Variants in LZTS1 observed in about 807,000 individuals in gnomAD.
The protein encoded by LZTS1 is leucine zipper putative tumor suppressor 1.
A neutral mutation model predicts 45.8 loss-of-function variants in LZTS1; 31 were observed. The observed-to-expected ratio is 0.68, with a 90% CI of 0.51 to 0.91. The LOEUF (loss-of-function observed/expected upper bound fraction) is 0.91. Among genes scored for constraint, LZTS1 ranks in the 40% least tolerant of loss-of-function variants. The pLI is 0.00. For synonymous variants in LZTS1, 359 were observed against 357.3 expected (o/e 1.00, Z -0.05); for missense variants, 821 against 788.9 (o/e 1.04, Z -0.49).
At position 20,303,734 on chromosome 8, in the gene LZTS1, C is replaced by T; in HGVS notation, c.-135+6G>A. 2.0e-6 allele frequency: 2 copies of T among 985,446 alleles called. No homozygotes were observed. The highest frequency in any genetic ancestry group is 1.7e-5 in the African/African-American group (1 of 57,342). 61.0% of individuals were successfully genotyped at this position (985,446 alleles called of 1,614,324 possible). A position where few individuals can be genotyped will look rare whatever the true frequency, so the allele number is the denominator to read the frequency against. ...GGCGAGGAGATCCCCGGCCACCGCA[C>T]CTTACCTGCCCCCTGCGCCTCGGGC... On this transcript the variant is annotated splice_donor_region_variant and intron_variant, in intron 1 of 3. Coordinates refer to ENST00000381569, the MANE Select transcript of LZTS1 (RefSeq NM_021020.5).
intron 1 of LZTS1, among the ~76,000 whole-genome samples, chr8:20,280,089 ATCC>A (rs1488003154): frequency 6.6e-6 from 1 of 152,118 alleles, no homozygotes; most frequent in Non-Finnish European, 1.5e-5. Flanking sequence ...GCCTTAGGCC[ATCC>A]TCCTACACAG....
In LZTS1 at chr8:20,247,421, G is replaced by GA. The variant is rs1194568870; in HGVS notation, c.*2300dup. The stretch of plus-strand genomic sequence containing the variant: ...CTCCGTGGGGCAGTCTCACTGGGAG[G>GA]AAAAACTCAAACAAGGCACGGCCTG... On this transcript the variant is annotated 3_prime_UTR_variant, in exon 4 of 4. Transcript: ENST00000381569. The GA allele has an allele frequency of 6.5e-6, 1 of 152,952 alleles. No individual in the cohort carries two copies. Among genetic ancestry groups the GA allele is most frequent in the Non-Finnish European group, 1.5e-5 (1 of 68,330 alleles). The allele number at this position is 152,952 out of a possible 1,614,324, so 9.5% of individuals were successfully genotyped here. A position where few individuals can be genotyped will look rare whatever the true frequency, so the allele number is the denominator to read the frequency against.
In LZTS1 at chr8:20,303,770, C is replaced by CT. The variant is rs1251063982; in HGVS notation, c.-166dup. 3,250 of 726,460 alleles carry CT rather than the reference C, an allele frequency of 4.5e-3. 1 individual carries two copies. Among genetic ancestry groups the CT allele is most frequent in the Non-Finnish European group, 4.6e-3 (2,740 of 594,972 alleles). 45.0% of individuals were successfully genotyped at this position (726,460 alleles called of 1,614,324 possible). ...CCCTGCGCCTCGGGCGCACTTGAGA[C>CT]TTTTTTTTTTTCCCAGTGTTTCCCG... is the stretch of plus-strand genomic sequence containing the variant. On this transcript the variant is annotated 5_prime_UTR_variant, in exon 1 of 4. Coordinates refer to ENST00000381569, the MANE Select transcript of LZTS1 (RefSeq NM_021020.5).
intron 1 of LZTS1, among the ~76,000 whole-genome samples, chr8:20,283,648 G>C (rs1384593298): frequency 6.6e-6 from 1 of 152,128 alleles, no homozygotes; most frequent in Non-Finnish European, 1.5e-5. Flanking sequence ...GGTTGTTCTG[G>C]GGAGACAGAT....
At chr8:20,288,455 C>T (rs1554555206) in intron 1 of LZTS1, among the ~76,000 whole-genome samples, 1 of 152,192 alleles carries the variant, frequency 6.6e-6, no homozygotes, top group Non-Finnish European at 1.5e-5. Flanking sequence ...CTTCCATTCA[C>T]TGCATGTGTC....
intron 3 of LZTS1, among the ~76,000 whole-genome samples, chr8:20,251,112 T>C (rs1350243693): frequency 1.1e-5 from 1 of 88,750 alleles, no homozygotes; most frequent in African/African-American, 4.5e-5. Flanking sequence ...TATATATATA[T>C]ATATATATAT....
intron 1 of LZTS1, among the ~76,000 whole-genome samples, chr8:20,279,174 T>A (rs1800639301): frequency 6.6e-6 from 1 of 152,256 alleles, no homozygotes; most frequent in Non-Finnish European, 1.5e-5. Flanking sequence ...CTTTGCTGCC[T>A]TGTCTGTCAT....
At chr8:20,285,055 C>T (rs1257116484) in intron 1 of LZTS1, among the ~76,000 whole-genome samples, 4 of 152,216 alleles carry the variant, frequency 2.6e-5, no homozygotes, top group African/African-American at 9.7e-5. Flanking sequence ...CAGGTGGTGA[C>T]CTCATAGGCA....
At position 20,253,070 on chromosome 8, in the gene LZTS1, C is replaced by T. The variant is rs1799983064; in HGVS notation, c.861G>A (p.Lys287=). The change falls in exon 3 of 4, where the codon AAG becomes AAA. Residue 287 remains lysine (K), a synonymous_variant. Transcript: ENST00000381569. ...CGTAGGCCAGGCTGGAGGCAAGCTC[C>T]TTCTCCTCAAAGCTGCGCTGCAGCT... The part of the protein sequence containing the change: ...LQKLQRSFEE[K]ELASSLAYEE... 2 of 1,608,540 alleles carry T rather than the reference C, an allele frequency of 1.2e-6. No homozygotes were observed. The highest frequency in any genetic ancestry group is 1.7e-6 in the Non-Finnish European group (2 of 1,178,572).
At position 20,253,534 on chromosome 8, in the gene LZTS1, G is replaced by A. The variant is rs200009487; in HGVS notation, c.397C>T (p.Arg133Trp). 6.5e-6 allele frequency: 10 copies of A among 1,527,708 alleles called. No homozygotes were observed. The highest frequency in any genetic ancestry group is 1.8e-4 in the Middle Eastern group (1 of 5,702). 94.6% of individuals were successfully genotyped at this position (1,527,708 alleles called of 1,614,324 possible). Reference protein sequence around the residue: ...RPTAFKPVLPRSGAILHSSPE... With the variant: ...RPTAFKPVLPWSGAILHSSPE... Reference sequence around the variant, plus strand: ...GAGGAGTGCAGGATGGCTCCTGACCGTGGCAGCACAGGCTTGAAGGCTGTG... The same window carrying A: ...GAGGAGTGCAGGATGGCTCCTGACCATGGCAGCACAGGCTTGAAGGCTGTG... Residue 133 changes from arginine (R) to tryptophan (W), a missense_variant, in exon 3 of 4, where the codon CGG (arginine) becomes TGG (tryptophan). Transcript: ENST00000381569.
At position 20,288,385 on chromosome 8, in the gene LZTS1, T is replaced by C. The variant is rs548138791; in HGVS notation, c.-135+15355A>G. On this transcript the variant is annotated intron_variant, in intron 1 of 3. Coordinates refer to ENST00000381569, the MANE Select transcript of LZTS1 (RefSeq NM_021020.5). ...CGCCATCACCTCTGGCCAGAGGCGA[T>C]GCGCAAGTGGAAACAGCAGTGCCCA... Among the ~76,000 whole-genome samples, 154 of 152,242 alleles carry C rather than the reference T, an allele frequency of 1.0e-3. 1 individual carries two copies. The highest frequency in any genetic ancestry group is 3.5e-3 in the African/African-American group (146 of 41,550).
intron 3 of LZTS1, among the ~76,000 whole-genome samples, chr8:20,251,365 C>G (rs1799904207): frequency 6.6e-6 from 1 of 151,804 alleles, no homozygotes; most frequent in African/African-American, 2.4e-5. Context: ...AGCACGCATC[C>G]TGGGTAGGGT....
intron 1 of LZTS1, among the ~76,000 whole-genome samples, chr8:20,271,724 C>G (rs188620404): frequency 6.6e-6 from 1 of 152,246 alleles, no homozygotes; most frequent in African/African-American, 2.4e-5. Context: ...TCTCCCTCCC[C>G]CTTGCCTTCC....
intron 1 of LZTS1, among the ~76,000 whole-genome samples, chr8:20,288,255 G>C (rs1352191151): frequency 1.3e-5 from 2 of 152,170 alleles, no homozygotes; most frequent in Non-Finnish European, 2.9e-5. Flanking sequence ...TCAAGACCTG[G>C]ATGTTGTCAG....
intron 1 of LZTS1, among the ~76,000 whole-genome samples, chr8:20,275,258 T>C (rs1221833465): frequency 1.3e-5 from 2 of 151,822 alleles, no homozygotes; most frequent in Non-Finnish European, 2.9e-5. Flanking sequence ...AAAAATTAGC[T>C]GGGTGTGGTG....
intron 1 of LZTS1, among the ~76,000 whole-genome samples, chr8:20,293,835 G>A (rs1206329954): frequency 6.6e-6 from 1 of 152,132 alleles, no homozygotes; most frequent in Non-Finnish European, 1.5e-5. Flanking sequence ...CAGGGAGGCT[G>A]ATGTGGGAGT....
intron 1 of LZTS1, among the ~76,000 whole-genome samples, chr8:20,288,170 G>C (rs916156763): frequency 6.6e-6 from 1 of 152,156 alleles, no homozygotes; most frequent in African/African-American, 2.4e-5. Flanking sequence ...CAGCCGAGCA[G>C]AGCTTGTCTT....
chr8:20,274,632 G>A (rs1311155201), intron 1 of LZTS1, among the ~76,000 whole-genome samples: 3 of 152,152 alleles, frequency 2.0e-5, no homozygotes, highest in South Asian at 2.1e-4. Context: ...GCGTAAGTGC[G>A]TGTACCAGCG....
intron 1 of LZTS1, among the ~76,000 whole-genome samples, chr8:20,263,535 A>G (rs1800288844): frequency 1.3e-5 from 2 of 152,148 alleles, no homozygotes; most frequent in African/African-American, 4.8e-5. Context: ...AGGAACAAAT[A>G]ACGTGGTCTT....
Sources: gnomAD v4.1 joint callset for allele counts (sites outside exome capture counted in the v4.1 genomes callset) on GRCh38, gnomAD v4.1.1 for gene constraint, MANE v1.5 for transcripts, NCBI Gene and HGNC (gene_info 2026-07-23, HGNC 2026-07-21) for gene names.